The following AIG1 variants were observed in gnomAD, a reference collection of about 807,000 sequenced individuals.
The protein encoded by AIG1 is androgen induced 1, also known as androgen-induced gene 1 protein.
Under a neutral mutation model 31.4 loss-of-function variants are expected in AIG1, and 23 were observed. That is an observed-to-expected ratio of 0.73 (90% CI 0.53 to 1.04). AIG1 has a LOEUF of 1.04. Ranked by LOEUF, AIG1 falls within the 50% of genes least tolerant of loss-of-function variation. The pLI is 0.00. For synonymous variants in AIG1, 100 were observed against 110.5 expected, an observed-to-expected ratio of 0.90 and a Z score of 0.60; for missense variants, 274 against 295.0, an observed-to-expected ratio of 0.93 and a Z score of 0.52.
At chr6:143,098,955 C>T (rs1055056145) in intron 1 of AIG1, among the ~76,000 whole-genome samples, 2 of 152,176 alleles carry the variant, frequency 1.3e-5, no homozygotes, top group Non-Finnish European at 2.9e-5. Flanking sequence ...TGAAAATGAA[C>T]AGCTAATATT....
intron 1 of AIG1, among the ~76,000 whole-genome samples, chr6:143,129,158 G>C (rs149724870): frequency 6.6e-6 from 1 of 152,092 alleles, no homozygotes; most frequent in Non-Finnish European, 1.5e-5. Context: ...GGGTGTGGGG[G>C]CAGGCACCTG....
intron 1 of AIG1, among the ~76,000 whole-genome samples, chr6:143,111,699 G>A (rs1466997617): frequency 6.6e-6 from 1 of 152,168 alleles, no homozygotes; most frequent in Non-Finnish European, 1.5e-5. Flanking sequence ...TAACATGTCA[G>A]AACAGGAAAC....
intron 1 of AIG1, among the ~76,000 whole-genome samples, chr6:143,111,708 A>T (rs1216517905): frequency 6.6e-6 from 1 of 152,212 alleles, no homozygotes; most frequent in African/African-American, 2.4e-5. Flanking sequence ...AGAACAGGAA[A>T]CATCTTAACA....
At chr6:143,148,111 G>C (rs1324891768) in intron 2 of AIG1, among the ~76,000 whole-genome samples, 1 of 152,048 alleles carries the variant, frequency 6.6e-6, no homozygotes, top group Non-Finnish European at 1.5e-5. Flanking sequence ...CCAACTAACG[G>C]AGTGCTTGCT....
At chr6:143,342,309 C>T, downstream of AIG1, 1 of 682,240 alleles carries the variant, frequency 1.5e-6, no homozygotes, top group Non-Finnish European at 2.7e-6. Flanking sequence ...TCCCCTGGTG[C>T]GCAGCAGCAG....
In AIG1 at chr6:143,328,161, T is replaced by C. The variant is rs1428420835; in HGVS notation, c.516-5121T>C. Reference sequence around the variant, plus strand: ...GTGGTAGGAGGAAAACCAAGAGAAATTGATGTCAAAGAAACCAGTATCTTT... The same window carrying C: ...GTGGTAGGAGGAAAACCAAGAGAAACTGATGTCAAAGAAACCAGTATCTTT... On this transcript the variant is annotated intron_variant, in intron 4 of 5. Transcript: ENST00000357847. This position sits in a 1 kb window ranked among gnomAD's most constrained non-coding sequence, Gnocchi z 4.0. Among the ~76,000 whole-genome samples the C allele has an allele frequency of 2.0e-5, 3 of 152,066 alleles. No individual in the cohort carries two copies. The highest frequency in any genetic ancestry group is 6.6e-5 in the Admixed American group (1 of 15,264).
At chr6:143,139,062 G>T (rs993914931) in intron 2 of AIG1, among the ~76,000 whole-genome samples, 54 of 152,028 alleles carry the variant, frequency 3.6e-4, no homozygotes, top group African/African-American at 6.5e-4. Flanking sequence ...AGACATTTTT[G>T]ACCTTCCTTT....
At chr6:143,198,447 A>G (rs1790433376) in intron 3 of AIG1, among the ~76,000 whole-genome samples, 1 of 152,252 alleles carries the variant, frequency 6.6e-6, no homozygotes, top group African/African-American at 2.4e-5. Flanking sequence ...TGGTGTTGGG[A>G]ATAGATGCTC....
chr6:143,261,292 C>T (rs971465230), intron 3 of AIG1, among the ~76,000 whole-genome samples: 19 of 152,134 alleles, frequency 1.2e-4, no homozygotes, highest in Admixed American at 4.6e-4. Context: ...CCACCATGCA[C>T]GGGTTATTTT....
intron 1 of AIG1, among the ~76,000 whole-genome samples, chr6:143,117,321 G>C (rs945660641): frequency 3.9e-5 from 6 of 152,116 alleles, no homozygotes; most frequent in African/African-American, 1.4e-4. Context: ...GCCTTTGAAG[G>C]AGTGTGAACA....
Position 143,124,720 on chromosome 6 carries a change from G to A in AIG1, c.142-12115G>A, listed in dbSNP as rs561606846. On this transcript the variant is annotated intron_variant, in intron 1 of 5. Coordinates refer to ENST00000357847, the MANE Select transcript of AIG1 (RefSeq NM_016108.4). Reference sequence around the variant, plus strand: ...AGGAAACTTACAATCATGGTGGAAGGCAAAGGAGAAGCAGGTACCTTCTTT... The same window carrying A: ...AGGAAACTTACAATCATGGTGGAAGACAAAGGAGAAGCAGGTACCTTCTTT... Among the ~76,000 whole-genome samples the A allele has an allele frequency of 6.8e-4, 103 of 152,314 alleles. 1 individual carries two copies. The highest frequency in any genetic ancestry group is 2.4e-3 in the African/African-American group (99 of 41,570).
intron 4 of AIG1, among the ~76,000 whole-genome samples, chr6:143,304,658 G>A (rs1799111539): frequency 6.6e-6 from 1 of 151,474 alleles, no homozygotes; most frequent in African/African-American, 2.4e-5. Flanking sequence ...TTGCATCAAT[G>A]TTCATCAAGG....
intron 1 of AIG1, among the ~76,000 whole-genome samples, chr6:143,091,527 C>T (rs1399145345): frequency 1.3e-5 from 2 of 152,084 alleles, no homozygotes; most frequent in East Asian, 3.9e-4. Flanking sequence ...AAATCACAAT[C>T]CTTGCTGACA....
chr6:143,231,134 A>C (rs1793412167), intron 3 of AIG1, among the ~76,000 whole-genome samples: 1 of 152,238 alleles, frequency 6.6e-6, no homozygotes, highest in South Asian at 2.1e-4. Flanking sequence ...AATTATACAG[A>C]TATAAGAGAT....
chr6:143,112,572 A>G (rs1781378105), intron 1 of AIG1, among the ~76,000 whole-genome samples: 1 of 152,224 alleles, frequency 6.6e-6, no homozygotes, highest in South Asian at 2.1e-4. Flanking sequence ...AAACAGAAAC[A>G]TCAAAAGATA....
At chr6:143,129,191 C>T (rs966725720) in intron 1 of AIG1, among the ~76,000 whole-genome samples, 2 of 151,708 alleles carry the variant, frequency 1.3e-5, no homozygotes, top group Non-Finnish European at 2.9e-5. Flanking sequence ...TTTGGGAGGC[C>T]GAGGCAGGCG....
chr6:143,220,051 G>T (rs1332033569), intron 3 of AIG1, among the ~76,000 whole-genome samples: 6 of 152,126 alleles, frequency 3.9e-5, no homozygotes, highest in Admixed American at 3.9e-4. Flanking sequence ...ATCTTGAGCT[G>T]CTCATGCCAA....
intron 3 of AIG1, among the ~76,000 whole-genome samples, chr6:143,169,526 A>G (rs939910602): frequency 1.3e-5 from 2 of 152,112 alleles, no homozygotes; most frequent in African/African-American, 4.8e-5. Flanking sequence ...CTGTATTGCT[A>G]TAGAACACTG....
At chr6:143,134,693 T>C (rs929945734) in intron 1 of AIG1, among the ~76,000 whole-genome samples, 6 of 152,040 alleles carry the variant, frequency 3.9e-5, no homozygotes, top group African/African-American at 1.2e-4. Flanking sequence ...TTTTGACTTA[T>C]TATATTTCGA....
Sources: gnomAD v4.1 joint callset for allele counts (sites outside exome capture counted in the v4.1 genomes callset) on GRCh38, gnomAD v4.1.1 for gene constraint, Gnocchi (gnomAD v3.1) non-coding constraint, MANE v1.5 for transcripts, NCBI Gene and HGNC (gene_info 2026-07-23, HGNC 2026-07-21) for gene names.